Variants in UGP2 observed in about 807,000 individuals in gnomAD.
The protein encoded by UGP2 is UTP--glucose-1-phosphate uridylyltransferase.
In UGP2, 40 loss-of-function variants were observed where a neutral mutation model predicts 49.0. The observed-to-expected ratio is 0.82, with a 90% confidence interval of 0.63 to 1.06. UGP2 has a LOEUF of 1.06. UGP2 is among the 50% of genes least tolerant of loss of function. UGP2 has a pLI of 0.00. For synonymous variants in UGP2, 225 were observed against 213.0 expected (o/e 1.06, Z -0.49); for missense variants, 460 against 603.5 (o/e 0.76, Z 2.49).
rs572906893 is a variant in UGP2, at chr2:63,862,576, A to T, written c.255+4640A>T. 3.3e-5 allele frequency among the ~76,000 whole-genome samples: 5 copies of T among 152,198 alleles called. No individual in the cohort carries two copies. The South Asian group carries it at 1.0e-3, about 32-fold the overall frequency. The stretch of plus-strand genomic sequence containing the variant: ...GAAATAGCAATAGCAAATACATGGA[A>T]CTTTAATGGCAGTTACATATTTGAT... On this transcript the variant is annotated intron_variant, in intron 3 of 9. Coordinates refer to ENST00000337130, the MANE Select transcript of UGP2 (RefSeq NM_006759.4).
At chr2:63,882,332 A>G in intron 3 of UGP2, 134 bp from the exon 4 acceptor site, 1 of 790,756 alleles carries the variant, frequency 1.3e-6, no homozygotes, top group East Asian at 2.8e-5. Flanking sequence ...CTATGACATT[A>G]AAGAAAAGTT....
At chr2:63,855,263 A>G (rs1669312617) in intron 1 of UGP2, among the ~76,000 whole-genome samples, 1 of 152,156 alleles carries the variant, frequency 6.6e-6, no homozygotes, top group Non-Finnish European at 1.5e-5. Flanking sequence ...GCCTTACTGA[A>G]ATGTGATTCT....
chr2:63,884,762 A>G lies in UGP2; in HGVS notation c.575+669A>G, dbSNP rs1404172477. ...CGTCGTCTCTACAAAAAAAATTTAA[A>G]AATTAGCATTGGTGGTGTGCCCTTG... is the stretch of plus-strand genomic sequence containing the variant. On this transcript the variant is annotated intron_variant, in intron 5 of 9. Coordinates refer to ENST00000337130, the MANE Select transcript of UGP2 (RefSeq NM_006759.4). 3.9e-5 allele frequency among the ~76,000 whole-genome samples: 6 copies of G among 151,972 alleles called. No individual in the cohort carries two copies. The East Asian group carries it at 1.2e-3, about 29-fold the overall frequency.
In UGP2 at chr2:63,891,491, CTT is replaced by C. The variant is rs2104379969; in HGVS notation, c.*267_*268del. ...TTAAAACTGGGCAACTTTGGAAGAA[CTT>C]TTAACAGAAGCCTCAATGATGATCA... On this transcript the variant is annotated 3_prime_UTR_variant, in exon 10 of 10. Coordinates refer to ENST00000337130, the MANE Select transcript of UGP2 (RefSeq NM_006759.4). 1 of 269,502 alleles carries C rather than the reference CTT, an allele frequency of 3.7e-6. No homozygotes were observed. The highest frequency in any genetic ancestry group is 9.5e-5 in the South Asian group (1 of 10,548). The allele number at this position is 269,502 out of a possible 1,614,324, so 16.7% of individuals were successfully genotyped here.
Position 63,882,455 on chromosome 2 carries a change from T to C in UGP2, c.256-11T>C, listed in dbSNP as rs557747961. On this transcript the variant is annotated splice_polypyrimidine_tract_variant and intron_variant, in intron 3 of 9. Coordinates refer to ENST00000337130, the MANE Select transcript of UGP2 (RefSeq NM_006759.4). Reference sequence around the variant, plus strand: ...GTTTAAATTACTCCTATAATGTTATTTTTCTTTCAGATTCAACCCTATGAA... The same window carrying C: ...GTTTAAATTACTCCTATAATGTTATCTTTCTTTCAGATTCAACCCTATGAA... 86 of 1,558,024 alleles carry C rather than the reference T, an allele frequency of 5.5e-5. No individual in the cohort carries two copies. In the African/African-American group the frequency reaches 1.0e-3, roughly 18 times the overall value.
intron 7 of UGP2, among the ~76,000 whole-genome samples, chr2:63,887,120 C>T (rs564886838): frequency 6.6e-6 from 1 of 152,064 alleles, no homozygotes; most frequent in East Asian, 1.9e-4. Context: ...AAAAAACTAG[C>T]TGGGTAGGTG....
intron 3 of UGP2, 136 bp downstream of exon 3, chr2:63,858,072 C>G (rs1310853974): frequency 4.0e-6 from 3 of 752,232 alleles, no homozygotes; most frequent in African/African-American, 3.5e-5. Flanking sequence ...TCTCTGACCC[C>G]TCATCCTGAA....
In UGP2 at chr2:63,857,054, C is replaced by T. The variant is rs568288437; in HGVS notation, c.147+621C>T. Among the ~76,000 whole-genome samples, 6 of 152,244 alleles carry T rather than the reference C, an allele frequency of 3.9e-5. No homozygotes were observed. The South Asian group carries it at 1.2e-3, about 32-fold the overall frequency. On this transcript the variant is annotated intron_variant, in intron 2 of 9. Coordinates refer to ENST00000337130, the MANE Select transcript of UGP2 (RefSeq NM_006759.4). ...GTGGCTCTTAGCTGTAATCCCAGCA[C>T]TTTGGGAGACCAAGGCAGGAGGATT...
chr2:63,847,494 C>A (rs1672012588), intron 1 of UGP2, among the ~76,000 whole-genome samples: 1 of 152,152 alleles, frequency 6.6e-6, no homozygotes, highest in Admixed American at 6.5e-5. Flanking sequence ...AAGAGACCAC[C>A]AAATAGGCTT....
At position 63,851,180 on chromosome 2, in the gene UGP2, A is replaced by G. The variant is rs559138050; in HGVS notation, c.20-5126A>G. ...CTGACAAATGAATAGGAGCTATTCA[A>G]ACTACTATTATATGAGAATTTAAGT... is the stretch of plus-strand genomic sequence containing the variant. On this transcript the variant is annotated intron_variant, in intron 1 of 9. Coordinates refer to ENST00000337130, the MANE Select transcript of UGP2 (RefSeq NM_006759.4). Among the ~76,000 whole-genome samples the G allele has an allele frequency of 9.8e-5, 15 of 152,342 alleles. No individual in the cohort carries two copies. The South Asian group carries it at 2.5e-3, about 25-fold the overall frequency.
At chr2:63,873,088 A>G (rs181657948) in intron 3 of UGP2, among the ~76,000 whole-genome samples, 17 of 152,374 alleles carry the variant, frequency 1.1e-4, no homozygotes, top group African/African-American at 4.1e-4. Flanking sequence ...TACAGGACAC[A>G]CATGAACCAC....
chr2:63,886,305 T>C, intron 6 of UGP2, 36 bp from the exon 7 acceptor site: 2 of 1,597,600 alleles, frequency 1.3e-6, no homozygotes, highest in Non-Finnish European at 1.7e-6. Flanking sequence ...CACTTGAGAC[T>C]GATGTGGAGG....
chr2:63,891,128 T>TATCA lies in UGP2; in HGVS notation c.1429_1432dup (p.Ile478AsnfsTer8). 5.6e-6 allele frequency: 9 copies of TATCA among 1,613,246 alleles called. No individual in the cohort carries two copies. The highest frequency in any genetic ancestry group is 7.6e-6 in the Non-Finnish European group (9 of 1,179,548). On this transcript the variant is annotated frameshift_variant, in exon 10 of 10. Transcript: ENST00000337130. LOFTEE classifies it high-confidence loss of function. The stretch of plus-strand genomic sequence containing the variant: ...TTTTCCCTGTCACTTAGGGAACGGT[T>TATCA]ATCATCATTGCAAATCATGGTGACA...
chr2:63,862,790 A>G (rs1669939411), intron 3 of UGP2: 4 of 456,214 alleles, frequency 8.8e-6, no homozygotes, highest in South Asian at 1.6e-5. Context: ...CAGAGAAAGT[A>G]TGGTGTTAAA....
At chr2:63,887,333 C>A in intron 7 of UGP2, 69 bp from the exon 8 acceptor site, 2 of 1,565,072 alleles carry the variant, frequency 1.3e-6, no homozygotes, top group Middle Eastern at 1.7e-4. Context: ...TATTAACTAA[C>A]CTACATGGAA....
At chr2:63,890,807 G>T (rs1672082163) in intron 9 of UGP2, among the ~76,000 whole-genome samples, 1 of 152,060 alleles carries the variant, frequency 6.6e-6, no homozygotes, top group African/African-American at 2.4e-5. Flanking sequence ...CTCTATGAAG[G>T]TTAGATAATG....
chr2:63,879,005 T>TAAAAAAAA (rs567927030), intron 3 of UGP2, among the ~76,000 whole-genome samples: 1 of 141,650 alleles, frequency 7.1e-6, no homozygotes. Flanking sequence ...TCACTGGAGG[T>TAAAAAAAA]AAAAAAAAAA....
chr2:63,857,603 G>A (rs1356793682), intron 2 of UGP2: 1 of 563,390 alleles, frequency 1.8e-6, no homozygotes, highest in Admixed American at 2.2e-5. Flanking sequence ...GAGCTCAAAC[G>A]ATCAGCTGGC....
At chr2:63,870,444 C>A (rs1337093476) in intron 3 of UGP2, among the ~76,000 whole-genome samples, 2 of 152,076 alleles carry the variant, frequency 1.3e-5, no homozygotes, top group African/African-American at 4.8e-5. Flanking sequence ...AATTTTATGA[C>A]CTATAAAATT....
Sources: gnomAD v4.1 joint callset for allele counts (sites outside exome capture counted in the v4.1 genomes callset) on GRCh38, gnomAD v4.1.1 for gene constraint, MANE v1.5 for transcripts, NCBI Gene and HGNC (gene_info 2026-07-23, HGNC 2026-07-21) for gene names.